TENM4: variants seen among roughly 807,000 people sequenced by gnomAD.
TENM4 encodes teneurin-4.
In TENM4, 82 loss-of-function variants were observed where a neutral mutation model predicts 243.3. That is an observed-to-expected ratio of 0.34 (90% CI 0.28 to 0.40). The LOEUF is 0.40. Ranked by LOEUF, TENM4 falls within the 10% of genes least tolerant of loss-of-function variation. The pLI is 1.00. For missense variants in TENM4, 3,138 were observed against 3,673.3 expected (o/e 0.85, Z 3.77); for synonymous variants, 1,412 against 1,456.3 (o/e 0.97, Z 0.69).
chr11:79,064,530 A>C, intron 6 of TENM4: 1 of 659,578 alleles, frequency 1.5e-6, no homozygotes, highest in Non-Finnish European at 2.5e-6. Flanking sequence ...TCCGGAAGCA[A>C]AGAGCAGCGA....
Position 78,812,595 on chromosome 11 carries a change from C to T in TENM4, c.1784-279G>A, listed in dbSNP as rs189880442. On this transcript the variant is annotated intron_variant, in intron 13 of 33. Coordinates refer to ENST00000278550, the MANE Select transcript of TENM4 (RefSeq NM_001098816.3). ...GTTGCTGATGGGGTACAGTGGCTGC[C>T]AGGAACCTCAGACAGGAAGCTTCAG... 6.6e-5 allele frequency among the ~76,000 whole-genome samples: 10 copies of T among 152,318 alleles called. No homozygotes were observed. The East Asian group carries it at 1.9e-3, about 29-fold the overall frequency.
At chr11:79,283,911 T>C (rs1369833671) in intron 2 of TENM4, among the ~76,000 whole-genome samples, 1 of 151,966 alleles carries the variant, frequency 6.6e-6, no homozygotes, top group African/African-American at 2.4e-5. Flanking sequence ...ACACTAGCAA[T>C]GAACAATCCA....
rs920547395 is a variant in TENM4, at chr11:78,669,292, G to A, written c.7053C>T (p.Ser2351=). ...LQGHLFAMEL[S]SGDEFYIACD... ...AAGCTATGTAAAACTCATCACCACTGCTCAGCTCCATGGCAAAGAGGTGTC... is the reference window on the plus strand; with the variant it reads ...AAGCTATGTAAAACTCATCACCACTACTCAGCTCCATGGCAAAGAGGTGTC... The change falls in exon 32 of 34, where the codon AGC becomes AGT. Residue 2351 remains serine (S), a synonymous_variant. Coordinates refer to ENST00000278550, the MANE Select transcript of TENM4 (RefSeq NM_001098816.3). This position sits in a 1 kb window ranked among gnomAD's most constrained non-coding sequence, Gnocchi z 6.4. The A allele has an allele frequency of 3.1e-6, 5 of 1,614,012 alleles. No individual in the cohort carries two copies. The highest frequency in any genetic ancestry group is 4.2e-6 in the Non-Finnish European group (5 of 1,179,896).
chr11:79,286,805 A>G (rs1856262688), intron 2 of TENM4, among the ~76,000 whole-genome samples: 2 of 152,218 alleles, frequency 1.3e-5, no homozygotes, highest in Admixed American at 1.3e-4. Context: ...TCCTCAAACA[A>G]TTATGGAGCA....
At chr11:78,923,607 G>T (rs1159041318) in intron 6 of TENM4, among the ~76,000 whole-genome samples, 1 of 150,698 alleles carries the variant, frequency 6.6e-6, no homozygotes, top group Non-Finnish European at 1.5e-5. Context: ...GTGCAATTTT[G>T]GCTCACTGCA....
intron 1 of TENM4, among the ~76,000 whole-genome samples, chr11:79,391,339 C>G (rs1036810933): frequency 6.6e-6 from 1 of 152,094 alleles, no homozygotes. Flanking sequence ...GATGCATTTA[C>G]TCACCCAATG....
chr11:79,112,817 C>A (rs1300132606), intron 4 of TENM4, among the ~76,000 whole-genome samples: 1 of 152,152 alleles, frequency 6.6e-6, no homozygotes, highest in Admixed American at 6.5e-5. Flanking sequence ...CAAGGCAGAG[C>A]CCCACCTCCT....
rs185696041 is a variant in TENM4 at position 78,968,648 on chromosome 11, C to A, written c.494-65125G>T. Among the ~76,000 whole-genome samples the A allele has an allele frequency of 1.9e-4, 29 of 152,184 alleles. 2 individuals carry two copies. Among genetic ancestry groups the A allele is most frequent in the African/African-American group, 4.8e-5 (2 of 41,442 alleles). ...CAGAGCCTCTCCTGGAGGCCAGGAA[C>A]GGGCCCAGATTCTTCACAAGATTTT... On this transcript the variant is annotated intron_variant, in intron 6 of 33. Transcript: ENST00000278550.
intron 3 of TENM4, among the ~76,000 whole-genome samples, chr11:79,149,760 A>C (rs1029238123): frequency 6.6e-6 from 1 of 152,072 alleles, no homozygotes; most frequent in Non-Finnish European, 1.5e-5. Flanking sequence ...GCTTTCTTTA[A>C]ATGTTTCTGC....
At chr11:79,184,395 G>A (rs954053929) in intron 3 of TENM4, among the ~76,000 whole-genome samples, 2 of 152,052 alleles carry the variant, frequency 1.3e-5, no homozygotes, top group Admixed American at 6.6e-5. Context: ...AATAGGGTTC[G>A]CACTCTTAAG....
intron 1 of TENM4, among the ~76,000 whole-genome samples, chr11:79,426,999 G>A (rs1859067214): frequency 6.6e-6 from 1 of 152,180 alleles, no homozygotes; most frequent in African/African-American, 2.4e-5. Flanking sequence ...CTACCCCTGT[G>A]TGATGCAGTT....
At chr11:79,110,346 C>T (rs1471439665) in intron 4 of TENM4, among the ~76,000 whole-genome samples, 1 of 152,186 alleles carries the variant, frequency 6.6e-6, no homozygotes, top group African/African-American at 2.4e-5. Context: ...TCCCTAGCCA[C>T]CCTGAAGCAG....
chr11:78,798,767 A>G (rs1857219943), intron 15 of TENM4, among the ~76,000 whole-genome samples: 1 of 151,892 alleles, frequency 6.6e-6, no homozygotes, highest in Non-Finnish European at 1.5e-5. Context: ...CTTGGCCACC[A>G]GGGGGCCTCC....
At chr11:79,393,018 A>C (rs1858268689) in intron 1 of TENM4, among the ~76,000 whole-genome samples, 1 of 152,076 alleles carries the variant, frequency 6.6e-6, no homozygotes, top group Non-Finnish European at 1.5e-5. Context: ...GTCATTTCCC[A>C]AACCCCCCAC....
chr11:78,741,352 C>T (rs570551496), intron 19 of TENM4, among the ~76,000 whole-genome samples: 49 of 152,162 alleles, frequency 3.2e-4, no homozygotes, highest in African/African-American at 9.9e-4. Context: ...TCAGTTGCAG[C>T]GTTTGCTCAT....
At chr11:78,741,435 G>T (rs1254586261) in intron 19 of TENM4, among the ~76,000 whole-genome samples, 1 of 152,176 alleles carries the variant, frequency 6.6e-6, no homozygotes. Context: ...ACAGAGGTGG[G>T]AAGAGACACA....
chr11:79,145,103 A>G (rs996451405), intron 4 of TENM4, among the ~76,000 whole-genome samples: 1 of 152,084 alleles, frequency 6.6e-6, no homozygotes, highest in Non-Finnish European at 1.5e-5. Flanking sequence ...AATTTAAAAA[A>G]GAAATACATT....
At chr11:79,189,442 A>G (rs1863437561) in intron 3 of TENM4, among the ~76,000 whole-genome samples, 1 of 152,120 alleles carries the variant, frequency 6.6e-6, no homozygotes, top group East Asian at 1.9e-4. Context: ...AAGAGTAGGG[A>G]CTGTGTCCTG....
intron 6 of TENM4, among the ~76,000 whole-genome samples, chr11:78,982,882 A>G (rs1243698981): frequency 6.6e-6 from 1 of 152,002 alleles, no homozygotes; most frequent in African/African-American, 2.4e-5. Context: ...AGCCTTTTTA[A>G]AGCAGCCCTG....
Sources: allele counts gnomAD v4.1 joint callset (sites outside exome capture counted in the v4.1 genomes callset), GRCh38; gene constraint gnomAD v4.1.1; non-coding constraint Gnocchi (gnomAD v3.1); transcripts MANE v1.5; gene names NCBI Gene and HGNC (gene_info 2026-07-23, HGNC 2026-07-21).